The following SSPN variants were observed in gnomAD, a reference collection of about 807,000 sequenced individuals.
The protein encoded by SSPN is K-ras oncogene-associated protein.
A neutral mutation model predicts 19.1 loss-of-function variants in SSPN; 15 were observed. That is an observed-to-expected ratio of 0.78 (90% CI 0.52 to 1.21). The LOEUF (loss-of-function observed/expected upper bound fraction) is 1.21. Among genes scored for constraint, SSPN ranks in the 50% most tolerant of loss-of-function variants. The probability of loss-of-function intolerance (pLI) is 0.00; values close to 1 mark genes in which losing one functional copy is unlikely to be tolerated. For missense variants in SSPN, 291 were observed against 314.0 expected (o/e 0.93, Z 0.55); for synonymous variants, 147 against 140.3 (o/e 1.05, Z -0.34).
intron 1 of SSPN, among the ~76,000 whole-genome samples, chr12:26,213,406 C>T (rs961187489): frequency 6.6e-6 from 1 of 152,084 alleles, no homozygotes; most frequent in Non-Finnish European, 1.5e-5. Context: ...ACCGAGGCTC[C>T]AAGGGTTAAC....
intron 1 of SSPN, among the ~76,000 whole-genome samples, chr12:26,223,244 C>A (rs1461084698): frequency 2.6e-5 from 4 of 152,170 alleles, no homozygotes; most frequent in Non-Finnish European, 5.9e-5. Context: ...GAGTTTCGCT[C>A]TTGTTACCCA....
At chr12:26,147,462 G>C (rs1944499604) in intron 1 of SSPN, among the ~76,000 whole-genome samples, 1 of 151,968 alleles carries the variant, frequency 6.6e-6, no homozygotes, top group Admixed American at 6.5e-5. Flanking sequence ...GTAGAGATGG[G>C]GTTTTACCAT....
intron 1 of SSPN, among the ~76,000 whole-genome samples, chr12:26,167,398 T>C (rs1365909046): frequency 6.6e-6 from 1 of 152,236 alleles, no homozygotes; most frequent in Non-Finnish European, 1.5e-5. Flanking sequence ...AGCAGCTCTC[T>C]ATAAGACTGA....
At chr12:26,160,686 CT>C (rs1310171026) in intron 1 of SSPN, among the ~76,000 whole-genome samples, 1 of 152,202 alleles carries the variant, frequency 6.6e-6, no homozygotes, top group Admixed American at 6.5e-5. Flanking sequence ...TCTCCCTTAT[CT>C]ACTATCTTGA....
chr12:26,219,715 A>G (rs1945098530), intron 1 of SSPN, among the ~76,000 whole-genome samples: 1 of 152,196 alleles, frequency 6.6e-6, no homozygotes, highest in Non-Finnish European at 1.5e-5. Context: ...AGCTTTTCTT[A>G]TCGACTTAAT....
chr12:26,201,046 T>TATATATATATAAAA (rs59727119), intron 1 of SSPN, among the ~76,000 whole-genome samples: 2 of 77,212 alleles, frequency 2.6e-5, no homozygotes, highest in African/African-American at 5.3e-5. Context: ...TATATATATA[T>TATATATATATAAAA]TATATATATA....
intron 1 of SSPN, chr12:26,122,905 G>C: frequency 6.5e-7 from 1 of 1,549,832 alleles, no homozygotes; most frequent in Non-Finnish European, 8.7e-7. Context: ...GCGCGCTCCA[G>C]GCAGGGGGCG....
intron 1 of SSPN, among the ~76,000 whole-genome samples, chr12:26,174,388 T>C (rs1429949620): frequency 6.6e-6 from 1 of 152,200 alleles, no homozygotes; most frequent in Admixed American, 6.5e-5. Flanking sequence ...ATTTAAAGTG[T>C]AAAGTTTGGT....
At chr12:26,151,701 G>C (rs1944526485) in intron 1 of SSPN, among the ~76,000 whole-genome samples, 1 of 152,110 alleles carries the variant, frequency 6.6e-6, no homozygotes, top group Non-Finnish European at 1.5e-5. Flanking sequence ...CATGCATAAA[G>C]GTTACCGTGG....
Position 26,232,163 on chromosome 12 carries a change from T to C in SSPN, c.*1087T>C, listed in dbSNP as rs1393638036. The stretch of plus-strand genomic sequence containing the variant: ...TCTATGTTTGAGGAAGATTGGGTAA[T>C]GCTGATGTGTTCCATTCATGAAACT... On this transcript the variant is annotated 3_prime_UTR_variant, in exon 3 of 3. Transcript: ENST00000242729. 1 of 985,492 alleles carries C rather than the reference T, an allele frequency of 1.0e-6. No individual in the cohort carries two copies. 61.0% of individuals were successfully genotyped at this position (985,492 alleles called of 1,614,324 possible).
chr12:26,183,759 G>T (rs1020615653), intron 1 of SSPN, among the ~76,000 whole-genome samples: 1 of 152,208 alleles, frequency 6.6e-6, no homozygotes, highest in Non-Finnish European at 1.5e-5. Context: ...CAAGTTGCTG[G>T]CTGGGCTTTG....
intron 1 of SSPN, among the ~76,000 whole-genome samples, chr12:26,155,491 G>T (rs1944550609): frequency 6.6e-6 from 1 of 152,104 alleles, no homozygotes; most frequent in South Asian, 2.1e-4. Flanking sequence ...CAACCTGAAA[G>T]CCTCAAAAGC....
At position 26,234,339 on chromosome 12, in the gene SSPN, A is replaced by G. The variant is rs1339819031; in HGVS notation, c.*3263A>G. 1 of 152,196 alleles carries G rather than the reference A, an allele frequency of 6.6e-6. No individual in the cohort carries two copies. The highest frequency in any genetic ancestry group is 1.5e-5 in the Non-Finnish European group (1 of 68,042). The allele number at this position is 152,196 out of a possible 1,614,324, so 9.4% of individuals were successfully genotyped here. A position where few individuals can be genotyped will look rare whatever the true frequency, so the allele number is the denominator to read the frequency against. On this transcript the variant is annotated 3_prime_UTR_variant, in exon 3 of 3. Coordinates refer to ENST00000242729, the MANE Select transcript of SSPN (RefSeq NM_005086.5). ...TGAAGAGTACCTTCATATTTTCTAG[A>G]GATTGTCTCTGAACCGTTGCTACAT... is the stretch of plus-strand genomic sequence containing the variant.
At chr12:26,126,072 C>G (rs955931218) in intron 1 of SSPN, 1 of 152,212 alleles carries the variant, frequency 6.6e-6, no homozygotes, top group Non-Finnish European at 1.5e-5. Context: ...ATCCGACCTG[C>G]CGCTGCTGCC....
intron 1 of SSPN, among the ~76,000 whole-genome samples, chr12:26,163,591 A>C (rs77528311): frequency 0.023 from 3,508 of 152,346 alleles, 65 homozygotes; most frequent in Non-Finnish European, 0.035. Flanking sequence ...AGAGTAAGGT[A>C]GTTAGGTAGC....
At chr12:26,189,922 C>A (rs1452205701) in intron 1 of SSPN, among the ~76,000 whole-genome samples, 11 of 152,138 alleles carry the variant, frequency 7.2e-5, no homozygotes, top group Admixed American at 7.2e-4. Context: ...TTTGCATTTG[C>A]AGACCTAGAG....
chr12:26,197,456 T>C (rs1443153270), intron 1 of SSPN, among the ~76,000 whole-genome samples: 8 of 152,234 alleles, frequency 5.3e-5, no homozygotes, highest in African/African-American at 9.6e-5. Flanking sequence ...GGGGAAAATA[T>C]GTCTGTCCTT....
intron 1 of SSPN, chr12:26,122,855 G>T: frequency 1.3e-6 from 2 of 1,571,382 alleles, no homozygotes; most frequent in South Asian, 1.2e-5. Flanking sequence ...TCCGCTGGAT[G>T]ACGGGCACGC....
At chr12:26,124,824 G>A in intron 1 of SSPN, 1 of 1,594,802 alleles carries the variant, frequency 6.3e-7, no homozygotes, top group East Asian at 2.2e-5. Flanking sequence ...TTGGGGCTCT[G>A]TACAATAATC....
Sources: gnomAD v4.1 joint callset for allele counts (sites outside exome capture counted in the v4.1 genomes callset) on GRCh38, gnomAD v4.1.1 for gene constraint, MANE v1.5 for transcripts, NCBI Gene and HGNC (gene_info 2026-07-23, HGNC 2026-07-21) for gene names.